The following ALDH1A2 variants were observed in gnomAD, a reference collection of about 807,000 sequenced individuals.
ALDH1A2 encodes retinal dehydrogenase 2.
Under a neutral mutation model 60.3 loss-of-function variants are expected in ALDH1A2, and 27 were observed. The ratio of observed to expected loss-of-function variants is 0.45; its 90% CI spans 0.33 to 0.62. The LOEUF (loss-of-function observed/expected upper bound fraction) is 0.62, where lower values mean the gene tolerates loss of function less well. ALDH1A2 is among the 20% of genes least tolerant of loss of function. The pLI is 0.02. For synonymous variants in ALDH1A2, 289 were observed against 232.4 expected (o/e 1.24, Z -2.21); for missense variants, 581 against 643.8 (o/e 0.90, Z 1.06).
intron 7 of ALDH1A2, among the ~76,000 whole-genome samples, chr15:57,966,289 G>A (rs906954402): frequency 1.3e-5 from 2 of 152,160 alleles, no homozygotes; most frequent in Admixed American, 1.3e-4. Context: ...GCTCCAAAGA[G>A]ACTATCAATA....
At chr15:57,996,949 T>C (rs1297785430) in intron 4 of ALDH1A2, among the ~76,000 whole-genome samples, 1 of 152,036 alleles carries the variant, frequency 6.6e-6, no homozygotes, top group Non-Finnish European at 1.5e-5. Context: ...TTATTCTTTT[T>C]AGCCATTTGA....
rs145184989 is a variant in ALDH1A2, at chr15:58,007,536, T to G, written c.493+3113A>C. Among the ~76,000 whole-genome samples the G allele has an allele frequency of 5.1e-3, 769 of 152,128 alleles. 2 individuals are homozygous for G. Among genetic ancestry groups the G allele is most frequent in the Non-Finnish European group, 8.5e-3 (579 of 67,952 alleles). ...GACCTTCTACAAGACACTAAACCCT[T>G]GCAGTCTTATTTTCTTAGATGTAAA... On this transcript the variant is annotated intron_variant, in intron 4 of 12. Coordinates refer to ENST00000249750, the MANE Select transcript of ALDH1A2 (RefSeq NM_003888.4).
intron 1 of ALDH1A2, among the ~76,000 whole-genome samples, chr15:58,044,024 C>G (rs959640227): frequency 1.6e-4 from 25 of 151,930 alleles, no homozygotes; most frequent in African/African-American, 5.8e-4. Context: ...AAAGAACGAA[C>G]CCCCCATATC....
chr15:57,955,756 C>A (rs1420204120), intron 12 of ALDH1A2, among the ~76,000 whole-genome samples: 1 of 152,106 alleles, frequency 6.6e-6, no homozygotes, highest in Non-Finnish European at 1.5e-5. Flanking sequence ...TTTCCTCCCC[C>A]AAGACGGAGG....
chr15:58,003,045 G>A (rs74017101), intron 4 of ALDH1A2, among the ~76,000 whole-genome samples: 2,123 of 151,984 alleles, frequency 0.014, 25 homozygotes, highest in African/African-American at 0.033. Flanking sequence ...GTTAGATTAT[G>A]TTCCTGAGTC....
chr15:58,034,636 C>A (rs8032107), intron 1 of ALDH1A2, among the ~76,000 whole-genome samples: 4 of 151,250 alleles, frequency 2.6e-5, no homozygotes, highest in South Asian at 2.1e-4. Flanking sequence ...GGAGATTCTC[C>A]TCTATTCATA....
At chr15:58,048,431 C>T (rs1413640226) in intron 1 of ALDH1A2, among the ~76,000 whole-genome samples, 1 of 152,056 alleles carries the variant, frequency 6.6e-6, no homozygotes, top group Non-Finnish European at 1.5e-5. Context: ...AGTGAAAGGA[C>T]ACAGATGAGA....
At chr15:57,973,166 C>CA (rs1390537445) in intron 7 of ALDH1A2, among the ~76,000 whole-genome samples, 1 of 152,172 alleles carries the variant, frequency 6.6e-6, no homozygotes, top group Non-Finnish European at 1.5e-5. Flanking sequence ...GTAAAGAAAA[C>CA]ACTATACCAA....
chr15:58,031,924 A>G (rs1398594999), intron 1 of ALDH1A2, among the ~76,000 whole-genome samples: 54 of 152,212 alleles, frequency 3.5e-4, no homozygotes, highest in Non-Finnish European at 8.8e-5. Context: ...AAACTAGTTC[A>G]ACCATTGTGG....
chr15:58,014,619 C>T, intron 1 of ALDH1A2: 1 of 450,992 alleles, frequency 2.2e-6, no homozygotes, highest in Non-Finnish European at 4.4e-6. Context: ...GGCTAGTATC[C>T]ATGAGGGTTA....
chr15:58,062,646 CT>C (rs1405557834), intron 1 of ALDH1A2, among the ~76,000 whole-genome samples: 2 of 152,156 alleles, frequency 1.3e-5, no homozygotes, highest in East Asian at 1.9e-4. Flanking sequence ...AATTGGTCCC[CT>C]CAATACTTCA....
chr15:58,002,154 T>A (rs905204687), intron 4 of ALDH1A2, among the ~76,000 whole-genome samples: 3 of 151,934 alleles, frequency 2.0e-5, no homozygotes, highest in Admixed American at 6.6e-5. Flanking sequence ...ATGGAAAATA[T>A]AAAAATCTTA....
intron 4 of ALDH1A2, among the ~76,000 whole-genome samples, chr15:58,008,357 G>C (rs1368702280): frequency 7.2e-5 from 11 of 152,008 alleles, no homozygotes; most frequent in African/African-American, 2.4e-4. Flanking sequence ...AGCCCTATGA[G>C]AGCCTTTTCT....
At chr15:58,000,235 C>T (rs12909423) in intron 4 of ALDH1A2, among the ~76,000 whole-genome samples, 1 of 151,670 alleles carries the variant, frequency 6.6e-6, no homozygotes, top group African/African-American at 2.4e-5. Flanking sequence ...TGTAATCTCA[C>T]TTTGCATTTT....
intron 7 of ALDH1A2, among the ~76,000 whole-genome samples, chr15:57,968,817 A>AT (rs1484885386): frequency 1.2e-4 from 18 of 152,130 alleles, no homozygotes; most frequent in Admixed American, 6.5e-4. Context: ...AGAGGTTGAT[A>AT]TTTTTTTGCC....
rs1410776108 is a variant in ALDH1A2 at position 57,961,243 on chromosome 15, T to C, written c.1303A>G (p.Ile435Val). 9 of 1,614,026 alleles carry C rather than the reference T, an allele frequency of 5.6e-6. 1 individual carries two copies. Among genetic ancestry groups the C allele is most frequent in the Middle Eastern group, 3.3e-4 (2 of 6,084 alleles). ...AAGTCTGAGTTATTGGCTCTTTCGATAACTTCATCCATCGTCTTAAATCTC... is the reference window on the plus strand; with the variant it reads ...AAGTCTGAGTTATTGGCTCTTTCGACAACTTCATCCATCGTCTTAAATCTC... ...ILRFKTMDEVIERANNSDFGL... is the reference protein window; with the variant it reads ...ILRFKTMDEVVERANNSDFGL... The change falls in exon 11 of 13, where the codon ATC (isoleucine) becomes GTC (valine). Residue 435 changes from isoleucine to valine, a missense_variant. Ile to Val is a conservative substitution (Grantham distance 29, BLOSUM62 3). Around this residue, in one of 2 missense-constraint regions of ALDH1A2, gnomAD observed 375 missense variants for 469.7 expected, o/e 0.80. Coordinates refer to ENST00000249750, the MANE Select transcript of ALDH1A2 (RefSeq NM_003888.4).
intron 1 of ALDH1A2, among the ~76,000 whole-genome samples, chr15:58,023,551 A>T (rs1895991775): frequency 6.6e-6 from 1 of 151,988 alleles, no homozygotes; most frequent in South Asian, 2.1e-4. Flanking sequence ...CAGCAACAGA[A>T]AAGCATCTAG....
At chr15:58,050,975 T>C (rs1896761230) in intron 1 of ALDH1A2, among the ~76,000 whole-genome samples, 1 of 152,160 alleles carries the variant, frequency 6.6e-6, no homozygotes, top group Non-Finnish European at 1.5e-5. Flanking sequence ...GAGTGATTTC[T>C]CCACAGGAGA....
rs111315428 is a variant in ALDH1A2 at position 58,037,693 on chromosome 15, T to C, written c.118-23412A>G. 5.9e-5 allele frequency among the ~76,000 whole-genome samples: 9 copies of C among 151,846 alleles called. 1 individual carries two copies. The highest frequency in any genetic ancestry group is 2.2e-4 in the African/African-American group (9 of 41,500). Reference sequence around the variant, plus strand: ...TTCTGCATTTAGCTAGTATCCCACATAATTCAGAAGAAATTGTACTGTCTG... The same window carrying C: ...TTCTGCATTTAGCTAGTATCCCACACAATTCAGAAGAAATTGTACTGTCTG... On this transcript the variant is annotated intron_variant, in intron 1 of 12. Coordinates refer to ENST00000249750, the MANE Select transcript of ALDH1A2 (RefSeq NM_003888.4).
Sources: allele counts gnomAD v4.1 joint callset (sites outside exome capture counted in the v4.1 genomes callset), GRCh38; gene constraint gnomAD v4.1.1; regional missense constraint gnomAD v4.1.1; transcripts MANE v1.5; gene names NCBI Gene and HGNC (gene_info 2026-07-23, HGNC 2026-07-21).